Variants in MAPK8 observed in about 807,000 individuals in gnomAD.
The protein encoded by MAPK8 is JUN N-terminal kinase.
In MAPK8, 13 loss-of-function variants were observed where a neutral mutation model predicts 52.9. That is an observed-to-expected ratio of 0.25 (90% CI 0.16 to 0.39). MAPK8 has a LOEUF of 0.39. Ranked by LOEUF, MAPK8 falls within the 10% of genes least tolerant of loss-of-function variation. MAPK8 has a pLI of 1.00. For synonymous variants in MAPK8, 191 were observed against 169.8 expected (o/e 1.12, Z -0.97); for missense variants, 300 against 519.2 (o/e 0.58, Z 4.10).
chr10:48,390,079 G>C (rs1464775965), intron 1 of MAPK8, among the ~76,000 whole-genome samples: 1 of 152,084 alleles, frequency 6.6e-6, no homozygotes, highest in South Asian at 2.1e-4. Flanking sequence ...AGGCCAGTAG[G>C]CTCAAGATCT....
intron 1 of MAPK8, among the ~76,000 whole-genome samples, chr10:48,312,270 A>G (rs1288746542): frequency 6.6e-6 from 1 of 152,266 alleles, no homozygotes; most frequent in Non-Finnish European, 1.5e-5. Context: ...CAGGGTATCA[A>G]AATAAGTATA....
At chr10:48,351,149 T>G (rs1649843627) in intron 1 of MAPK8, among the ~76,000 whole-genome samples, 1 of 152,190 alleles carries the variant, frequency 6.6e-6, no homozygotes, top group Non-Finnish European at 1.5e-5. Context: ...CATTCCATGC[T>G]TATGGATAGA....
chr10:48,400,943 A>G (rs941457264), intron 1 of MAPK8, among the ~76,000 whole-genome samples: 3 of 141,656 alleles, frequency 2.1e-5, no homozygotes, highest in Admixed American at 7.3e-5. Flanking sequence ...ATAGAATAGT[A>G]TTGTTTTGTT....
At chr10:48,307,458 G>C (rs1011948538) in intron 1 of MAPK8, among the ~76,000 whole-genome samples, 2 of 152,118 alleles carry the variant, frequency 1.3e-5, no homozygotes, top group African/African-American at 4.8e-5. Context: ...CCCGAGCTTC[G>C]GTGGTCAGCG....
chr10:48,334,561 C>T (rs74130247), intron 1 of MAPK8, among the ~76,000 whole-genome samples: 46 of 152,278 alleles, frequency 3.0e-4, no homozygotes, highest in African/African-American at 1.1e-3. Flanking sequence ...ATGTCACCTC[C>T]ACTGCCTCCT....
At chr10:48,351,798 C>T (rs773415359) in intron 1 of MAPK8, among the ~76,000 whole-genome samples, 5 of 152,136 alleles carry the variant, frequency 3.3e-5, no homozygotes, top group East Asian at 1.9e-4. Context: ...AAAAATGTTT[C>T]GGATTTCAGA....
chr10:48,327,032 T>A (rs553683593), intron 1 of MAPK8, among the ~76,000 whole-genome samples: 1 of 152,240 alleles, frequency 6.6e-6, no homozygotes, highest in African/African-American at 2.4e-5. Context: ...TTTTATTTCT[T>A]TTCCCCCCTC....
chr10:48,432,508 T>C (rs989124803), intron 11 of MAPK8, among the ~76,000 whole-genome samples: 2 of 152,218 alleles, frequency 1.3e-5, no homozygotes, highest in Non-Finnish European at 2.9e-5. Flanking sequence ...AATTTACTTA[T>C]AACAAATTTA....
rs910225970 is a variant in MAPK8 at position 48,435,588 on chromosome 10, A to G, written c.*559A>G. On this transcript the variant is annotated 3_prime_UTR_variant, in exon 12 of 12. Coordinates refer to ENST00000374189, the MANE Select transcript of MAPK8 (RefSeq NM_001323329.2). ...TGATGAACGTGTTAGGAGACCTCCA[A>G]TATTTGCTACTTGCCAATCCTAATT... 6.6e-6 allele frequency: 1 copy of G among 152,222 alleles called. No individual in the cohort carries two copies. Among genetic ancestry groups the G allele is most frequent in the African/African-American group, 2.4e-5 (1 of 41,448 alleles). 9.4% of individuals were successfully genotyped at this position (152,222 alleles called of 1,614,324 possible).
intron 1 of MAPK8, among the ~76,000 whole-genome samples, chr10:48,335,325 T>C (rs944112713): frequency 1.3e-5 from 2 of 152,166 alleles, no homozygotes; most frequent in African/African-American, 4.8e-5. Context: ...ATATTAAATA[T>C]TGATATATCA....
At position 48,306,716 on chromosome 10, in the gene MAPK8, G is replaced by C. The variant is rs1002342258; in HGVS notation, c.-155G>C. ...CGGCCGAGGCCGGACGACGCGGCTT[G>C]GATTGCGGAGCCGCGAGCAGCGCTG... is the stretch of plus-strand genomic sequence containing the variant. On this transcript the variant is annotated 5_prime_UTR_variant, in exon 1 of 12. Coordinates refer to ENST00000374189, the MANE Select transcript of MAPK8 (RefSeq NM_001323329.2). The C allele has an allele frequency of 1.3e-5, 2 of 151,436 alleles. No individual in the cohort carries two copies. Among genetic ancestry groups the C allele is most frequent in the African/African-American group, 4.8e-5 (2 of 41,366 alleles). 9.4% of individuals were successfully genotyped at this position (151,436 alleles called of 1,614,324 possible).
intron 1 of MAPK8, among the ~76,000 whole-genome samples, chr10:48,332,842 G>C (rs1844287156): frequency 6.6e-6 from 1 of 152,128 alleles, no homozygotes; most frequent in Non-Finnish European, 1.5e-5. Context: ...GTACCACTTT[G>C]GATTTTAAGT....
intron 1 of MAPK8, among the ~76,000 whole-genome samples, chr10:48,374,320 C>T (rs1375749883): frequency 6.6e-6 from 1 of 152,000 alleles, no homozygotes; most frequent in Non-Finnish European, 1.5e-5. Context: ...ACCCTAACAT[C>T]ACAATTAAAA....
chr10:48,353,353 A>G (rs994437143), intron 1 of MAPK8, among the ~76,000 whole-genome samples: 2 of 152,234 alleles, frequency 1.3e-5, no homozygotes, highest in Admixed American at 1.3e-4. Flanking sequence ...TAAAGATAGC[A>G]TAATCAAGAC....
intron 1 of MAPK8, among the ~76,000 whole-genome samples, chr10:48,393,850 TAA>T (rs1371912717): frequency 2.0e-5 from 3 of 152,002 alleles, no homozygotes; most frequent in Non-Finnish European, 4.4e-5. Flanking sequence ...CATTGAAATA[TAA>T]AAGTGTAAAA....
At chr10:48,311,899 G>A (rs188758394) in intron 1 of MAPK8, among the ~76,000 whole-genome samples, 1 of 152,180 alleles carries the variant, frequency 6.6e-6, no homozygotes, top group African/African-American at 2.4e-5. Flanking sequence ...ACTGAGCATT[G>A]CACTATACTA....
At chr10:48,351,272 A>ATTTTTTTTTTT (rs66660207) in intron 1 of MAPK8, among the ~76,000 whole-genome samples, 1 of 129,536 alleles carries the variant, frequency 7.7e-6, no homozygotes, top group Non-Finnish European at 1.6e-5. Flanking sequence ...ATAACTTTGA[A>ATTTTTTTTTTT]TTTTTTTTTT....
At chr10:48,312,870 A>G (rs1003724914) in intron 1 of MAPK8, among the ~76,000 whole-genome samples, 1 of 152,230 alleles carries the variant, frequency 6.6e-6, no homozygotes, top group African/African-American at 2.4e-5. Flanking sequence ...CAAAGATTTA[A>G]AAAGATAAAG....
rs181654659 is a variant in MAPK8 at position 48,338,943 on chromosome 10, C to T, written c.-50+32122C>T. The stretch of plus-strand genomic sequence containing the variant: ...TGAAAGAATTCATAGATGACACAAA[C>T]AAATGGAAGAAACGTCCCATGCTTG... On this transcript the variant is annotated intron_variant, in intron 1 of 11. Coordinates refer to ENST00000374189, the MANE Select transcript of MAPK8 (RefSeq NM_001323329.2). Among the ~76,000 whole-genome samples the T allele has an allele frequency of 1.2e-3, 180 of 152,126 alleles. 1 individual carries two copies. The highest frequency in any genetic ancestry group is 4.1e-3 in the African/African-American group (169 of 41,528).
Sources: gnomAD v4.1 joint callset for allele counts (sites outside exome capture counted in the v4.1 genomes callset) on GRCh38, gnomAD v4.1.1 for gene constraint, MANE v1.5 for transcripts, NCBI Gene and HGNC (gene_info 2026-07-23, HGNC 2026-07-21) for gene names.